Variants in RBM33 observed in about 807,000 individuals in gnomAD.
RBM33 encodes RNA binding motif protein 33, also known as RNA-binding protein 33.
In RBM33, 28 loss-of-function variants were observed where a neutral mutation model predicts 132.6. That is an observed-to-expected ratio of 0.21 (90% CI 0.16 to 0.29). The LOEUF (loss-of-function observed/expected upper bound fraction) is 0.29, where lower values mean the gene tolerates loss of function less well. Among genes scored for constraint, RBM33 ranks in the 10% least tolerant of loss-of-function variants. The probability of loss-of-function intolerance (pLI) is 1.00; values close to 1 mark genes in which losing one functional copy is unlikely to be tolerated. For synonymous variants in RBM33, 634 were observed against 593.0 expected, an observed-to-expected ratio of 1.07 and a Z score of -1.01; for missense variants, 1,291 against 1,518.5, an observed-to-expected ratio of 0.85 and a Z score of 2.49.
At chr7:155,695,867 T>C (rs1316496523) in intron 5 of RBM33, among the ~76,000 whole-genome samples, 1 of 152,222 alleles carries the variant, frequency 6.6e-6, no homozygotes, top group African/African-American at 2.4e-5. Flanking sequence ...GTTGTTATCT[T>C]GTTTTCTTCT....
At chr7:155,669,300 T>TA (rs768048212) in intron 2 of RBM33, among the ~76,000 whole-genome samples, 1 of 152,184 alleles carries the variant, frequency 6.6e-6, no homozygotes, top group Non-Finnish European at 1.5e-5. Context: ...TTATTTTTTT[T>TA]AAAGATATGA....
At chr7:155,681,037 C>T in intron 5 of RBM33, 129 bp downstream of exon 5, 1 of 712,946 alleles carries the variant, frequency 1.4e-6, no homozygotes, top group South Asian at 2.0e-5. Context: ...CACTCTCTGC[C>T]AGTTTCTTTA....
chr7:155,764,754 G>GC (rs1480208217), intron 15 of RBM33, among the ~76,000 whole-genome samples: 5 of 152,354 alleles, frequency 3.3e-5, no homozygotes, highest in African/African-American at 1.2e-4. Flanking sequence ...GGAGACCTGG[G>GC]CGCAGCCCTG....
chr7:155,645,852 A>G (rs1392832074), intron 1 of RBM33, among the ~76,000 whole-genome samples: 1 of 152,244 alleles, frequency 6.6e-6, no homozygotes, highest in Non-Finnish European at 1.5e-5. Context: ...GCAGATGGTT[A>G]CGTTGTTATC....
chr7:155,711,149 T>G, intron 7 of RBM33, 54 bp from the exon 8 acceptor site: 1 of 1,444,282 alleles, frequency 6.9e-7, no homozygotes, highest in Admixed American at 3.0e-5. Context: ...GGTGAACTTT[T>G]GTTTTTTTTT....
intron 1 of RBM33, among the ~76,000 whole-genome samples, chr7:155,648,168 T>C (rs776848749): frequency 4.6e-5 from 7 of 152,190 alleles, no homozygotes; most frequent in Non-Finnish European, 1.0e-4. Context: ...CACATACCCA[T>C]CACCTAGCAT....
chr7:155,654,677 C>G (rs1798444994), intron 1 of RBM33, among the ~76,000 whole-genome samples: 1 of 152,154 alleles, frequency 6.6e-6, no homozygotes, highest in African/African-American at 2.4e-5. Context: ...TGTGTCAAAC[C>G]AAACTTGATT....
chr7:155,765,614 G>A (rs1404055304), intron 15 of RBM33, among the ~76,000 whole-genome samples: 1 of 152,158 alleles, frequency 6.6e-6, no homozygotes, highest in Admixed American at 6.5e-5. Context: ...TAGGCCATCT[G>A]GAAACCTAGT....
intron 14 of RBM33, among the ~76,000 whole-genome samples, chr7:155,762,029 A>C (rs548160694): frequency 6.6e-6 from 1 of 152,204 alleles, no homozygotes; most frequent in Non-Finnish European, 1.5e-5. Context: ...GGTTGACCCG[A>C]CTGCTGCGTA....
At chr7:155,715,801 CTG>C (rs1487978332) in intron 8 of RBM33, among the ~76,000 whole-genome samples, 6 of 152,170 alleles carry the variant, frequency 3.9e-5, no homozygotes, top group African/African-American at 1.2e-4. Flanking sequence ...TTGAGAGAGA[CTG>C]AATATCAAGA....
intron 9 of RBM33, among the ~76,000 whole-genome samples, chr7:155,725,329 A>G (rs1800763664): frequency 6.6e-6 from 1 of 150,930 alleles, no homozygotes; most frequent in South Asian, 2.1e-4. Context: ...CAGCCTGTGG[A>G]GCAAAAGTAA....
intron 14 of RBM33, 126 bp from the exon 15 acceptor site, chr7:155,763,686 G>C (rs954819579): frequency 3.6e-6 from 3 of 836,300 alleles, no homozygotes; most frequent in African/African-American, 3.4e-5. Flanking sequence ...CAAGTTTCGA[G>C]TCACACTTGT....
chr7:155,647,294 C>T (rs571393117), intron 1 of RBM33, among the ~76,000 whole-genome samples: 1 of 152,114 alleles, frequency 6.6e-6, no homozygotes, highest in Non-Finnish European at 1.5e-5. Context: ...ACAAAATGTT[C>T]GAGATTGTCA....
At chr7:155,672,453 T>C (rs910734357) in intron 2 of RBM33, among the ~76,000 whole-genome samples, 6 of 152,052 alleles carry the variant, frequency 3.9e-5, no homozygotes, top group Admixed American at 3.9e-4. Context: ...CATAGCAAAC[T>C]TAATGTAAAA....
At chr7:155,757,039 G>T (rs1454183193) in intron 14 of RBM33, among the ~76,000 whole-genome samples, 2 of 152,156 alleles carry the variant, frequency 1.3e-5, no homozygotes, top group African/African-American at 4.8e-5. Context: ...ATGGGCTGAA[G>T]TGTACCTTGA....
intron 5 of RBM33, among the ~76,000 whole-genome samples, chr7:155,681,410 T>G (rs556093226): frequency 6.6e-6 from 1 of 152,306 alleles, no homozygotes; most frequent in East Asian, 1.9e-4. Flanking sequence ...ATGTCACATA[T>G]AATTCGTTAT....
intron 9 of RBM33, among the ~76,000 whole-genome samples, chr7:155,734,908 G>T (rs1053864857): frequency 2.8e-5 from 4 of 145,166 alleles, no homozygotes; most frequent in African/African-American, 7.8e-5. Context: ...ACATTTTTTT[G>T]AAATAATGCA....
chr7:155,698,844 A>G (rs767021984), intron 5 of RBM33, among the ~76,000 whole-genome samples: 1 of 152,228 alleles, frequency 6.6e-6, no homozygotes, highest in Admixed American at 6.5e-5. Flanking sequence ...TGTTATGTCA[A>G]TAGACCTATT....
Position 155,673,579 on chromosome 7 carries a change from C to G in RBM33, c.171+664C>G, listed in dbSNP as rs554401624. 4.8e-4 allele frequency among the ~76,000 whole-genome samples: 40 copies of G among 83,206 alleles called. 2 individuals are homozygous for G. The highest frequency in any genetic ancestry group is 2.4e-3 in the African/African-American group (37 of 15,326). The allele number at this position is 83,206 out of a possible 152,430, so 54.6% of individuals were successfully genotyped here. On this transcript the variant is annotated intron_variant, in intron 3 of 17. Transcript: ENST00000401878. The stretch of plus-strand genomic sequence containing the variant: ...ATATATACACACATATACATACACA[C>G]GTGTATATATATATACACACATATA...
Sources: allele counts gnomAD v4.1 joint callset (sites outside exome capture counted in the v4.1 genomes callset), GRCh38; gene constraint gnomAD v4.1.1; transcripts MANE v1.5; gene names NCBI Gene and HGNC (gene_info 2026-07-23, HGNC 2026-07-21).